Variants in ARHGAP21 observed in about 807,000 individuals in gnomAD.
ARHGAP21 encodes the protein rho GTPase-activating protein 21.
In ARHGAP21, 38 loss-of-function variants were observed where a neutral mutation model predicts 164.6. The observed-to-expected ratio is 0.23, with a 90% confidence interval of 0.18 to 0.30. The LOEUF (loss-of-function observed/expected upper bound fraction) is 0.30, where lower values mean the gene tolerates loss of function less well. ARHGAP21 is among the 10% of genes least tolerant of loss of function. The probability of loss-of-function intolerance (pLI) is 1.00; values close to 1 mark genes in which losing one functional copy is unlikely to be tolerated. For synonymous variants in ARHGAP21, 766 were observed against 857.9 expected, an observed-to-expected ratio of 0.89 and a Z score of 1.87; for missense variants, 1,822 against 2,370.7, an observed-to-expected ratio of 0.77 and a Z score of 4.81.
At chr10:24,634,815 T>C (rs1484003060) in intron 5 of ARHGAP21, among the ~76,000 whole-genome samples, 196 bp downstream of exon 5, 7 of 152,218 alleles carry the variant, frequency 4.6e-5, no homozygotes, top group Admixed American at 4.6e-4. Context: ...TCAATTTATA[T>C]TGTTATTTCT....
intron 2 of ARHGAP21, among the ~76,000 whole-genome samples, chr10:24,707,284 T>C (rs1844332916): frequency 6.6e-6 from 1 of 152,244 alleles, no homozygotes; most frequent in East Asian, 1.9e-4. Context: ...GATGGAGACA[T>C]ACCTTCACGA....
chr10:24,633,971 G>A (rs555091320), intron 5 of ARHGAP21, among the ~76,000 whole-genome samples: 1 of 129,038 alleles, frequency 7.7e-6, no homozygotes, highest in African/African-American at 3.0e-5. Flanking sequence ...TCGGCTTACT[G>A]CAACCTCTGC....
At chr10:24,720,941 T>C (rs950623511) in intron 2 of ARHGAP21, among the ~76,000 whole-genome samples, 3 of 150,802 alleles carry the variant, frequency 2.0e-5, no homozygotes, top group East Asian at 1.9e-4. Context: ...ATGATAAACA[T>C]AGTATATTCA....
chr10:24,634,773 T>C (rs1310001775), intron 5 of ARHGAP21, among the ~76,000 whole-genome samples: 2 of 152,234 alleles, frequency 1.3e-5, no homozygotes, highest in Non-Finnish European at 1.5e-5. Flanking sequence ...GAGTCTATCA[T>C]CTGTGTGGTA....
chr10:24,604,841 T>G (rs555493253), intron 11 of ARHGAP21, among the ~76,000 whole-genome samples: 106 of 152,280 alleles, frequency 7.0e-4, no homozygotes, highest in African/African-American at 2.5e-3. Context: ...CCCTTCACTC[T>G]TCTACTCTAA....
rs116332393 is a variant in ARHGAP21, at chr10:24,686,096, G to T, written c.64-15699C>A. 8.4e-3 allele frequency among the ~76,000 whole-genome samples: 1,285 copies of T among 152,194 alleles called. 17 individuals are homozygous for T. The highest frequency in any genetic ancestry group is 0.038 in the East Asian group (196 of 5,174). On this transcript the variant is annotated intron_variant, in intron 2 of 25. Transcript: ENST00000396432. ...AATAAGAGATAAGGGCAAAAAGACAGATTACAAGCTATTCATTCCAAGGTA... is the reference window on the plus strand; with the variant it reads ...AATAAGAGATAAGGGCAAAAAGACATATTACAAGCTATTCATTCCAAGGTA...
intron 9 of ARHGAP21, among the ~76,000 whole-genome samples, chr10:24,612,771 C>T (rs374502303): frequency 6.6e-6 from 1 of 152,262 alleles, no homozygotes; most frequent in South Asian, 2.1e-4. Flanking sequence ...AGGAGAATGG[C>T]ATGAACCCGG....
intron 10 of ARHGAP21, 57 bp from the exon 11 acceptor site, chr10:24,607,658 T>C: frequency 2.5e-6 from 4 of 1,610,494 alleles, no homozygotes; most frequent in Non-Finnish European, 3.4e-6. Context: ...CAGATTCTTT[T>C]AACGGTGGAA....
intron 2 of ARHGAP21, among the ~76,000 whole-genome samples, chr10:24,703,121 A>G: frequency 6.6e-6 from 1 of 152,150 alleles, no homozygotes; most frequent in East Asian, 1.9e-4. Context: ...AAACCCACAC[A>G]CAAACTAGAC....
chr10:24,648,566 A>T (rs1837824097), intron 4 of ARHGAP21, among the ~76,000 whole-genome samples: 1 of 152,128 alleles, frequency 6.6e-6, no homozygotes. Flanking sequence ...GATCACCTTG[A>T]GGTCAGGAGT....
intron 2 of ARHGAP21, among the ~76,000 whole-genome samples, chr10:24,677,047 C>G (rs1841322119): frequency 6.6e-6 from 1 of 151,930 alleles, no homozygotes; most frequent in South Asian, 2.1e-4. Flanking sequence ...TGGTGAAGCC[C>G]CGTCTCTACT....
chr10:24,640,483 C>T (rs376907224), intron 4 of ARHGAP21, among the ~76,000 whole-genome samples: 100 of 151,868 alleles, frequency 6.6e-4, no homozygotes, highest in South Asian at 2.1e-3. Flanking sequence ...AAAGAAAAAT[C>T]TCTATCTTTA....
rs771615750 is a variant in ARHGAP21, at chr10:24,597,626, CCTCT to C, written c.3198-47_3198-44del. On this transcript the variant is annotated intron_variant, in intron 15 of 25. Transcript: ENST00000396432. ...ATTTGTTAACAATTACAGTAATCCC[CCTCT>C]ATCTATGGTTTCAGTTACCCGTGGT... 6 of 1,607,320 alleles carry C rather than the reference CCTCT, an allele frequency of 3.7e-6. No homozygotes were observed. The South Asian group carries it at 6.7e-5, about 18-fold the overall frequency.
chr10:24,593,300 A>G (rs745552258), intron 21 of ARHGAP21, among the ~76,000 whole-genome samples: 5 of 152,142 alleles, frequency 3.3e-5, no homozygotes, highest in Non-Finnish European at 5.9e-5. Context: ...AAAACTGGGC[A>G]CCCAGAAATG....
intron 11 of ARHGAP21, among the ~76,000 whole-genome samples, chr10:24,606,502 CTG>C (rs1344006742): frequency 2.0e-5 from 3 of 152,138 alleles, no homozygotes; most frequent in Non-Finnish European, 1.5e-5. Context: ...AAACAATACA[CTG>C]TGTTAGAGTG....
At chr10:24,719,093 C>T (rs1165694930) in intron 2 of ARHGAP21, among the ~76,000 whole-genome samples, 4 of 101,084 alleles carry the variant, frequency 4.0e-5, no homozygotes, top group Non-Finnish European at 5.8e-5. Context: ...GAAGACTTCA[C>T]GGACTACACA....
intron 4 of ARHGAP21, among the ~76,000 whole-genome samples, chr10:24,644,261 G>A (rs952770160): frequency 6.6e-6 from 1 of 151,980 alleles, no homozygotes; most frequent in East Asian, 1.9e-4. Flanking sequence ...CAAATCTCAT[G>A]GATATATAAA....
At chr10:24,685,886 A>G (rs77846986) in intron 2 of ARHGAP21, among the ~76,000 whole-genome samples, 6,928 of 152,270 alleles carry the variant, frequency 0.045, 212 homozygotes, top group Non-Finnish European at 0.069. Context: ...TTCAATAAGG[A>G]GAGGACACTG....
chr10:24,628,906 C>CATATATAT lies in ARHGAP21; in HGVS notation c.495+1089_495+1090insATATATAT, dbSNP rs1554977682. 4.3e-4 allele frequency: 27 copies of CATATATAT among 62,332 alleles called. 1 individual carries two copies. In the South Asian group the frequency reaches 7.8e-3, roughly 18 times the overall value. The allele number at this position is 62,332 out of a possible 1,614,324, so 3.9% of individuals were successfully genotyped here. ...ACACATATATATACATACATATATA[C>CATATATAT]ACATATATACACATATATATACATA... On this transcript the variant is annotated intron_variant, in intron 7 of 25. Coordinates refer to ENST00000396432, the MANE Select transcript of ARHGAP21 (RefSeq NM_020824.4).
Sources: gnomAD v4.1 joint callset for allele counts (sites outside exome capture counted in the v4.1 genomes callset) on GRCh38, gnomAD v4.1.1 for gene constraint, MANE v1.5 for transcripts, NCBI Gene and HGNC (gene_info 2026-07-23, HGNC 2026-07-21) for gene names.